The following OLAH variants were observed in gnomAD, a reference collection of about 807,000 sequenced individuals.
The protein encoded by OLAH is S-acyl fatty acid synthase thioesterase, medium chain.
Under a neutral mutation model 27.8 loss-of-function variants are expected in OLAH, and 33 were observed. The ratio of observed to expected loss-of-function variants is 1.19; its 90% CI spans 0.90 to 1.59. The LOEUF (loss-of-function observed/expected upper bound fraction) is 1.59. Ranked by LOEUF, OLAH falls within the 40% of genes most tolerant of loss-of-function variation. OLAH has a pLI of 0.00. For missense variants in OLAH, 359 were observed against 310.8 expected, an observed-to-expected ratio of 1.16 and a Z score of -1.17; for synonymous variants, 120 against 102.9, an observed-to-expected ratio of 1.17 and a Z score of -1.01.
intron 1 of OLAH, among the ~76,000 whole-genome samples, chr10:15,035,512 A>G (rs61041766): frequency 0.099 from 14,998 of 152,104 alleles, 884 homozygotes; most frequent in Admixed American, 0.16. Context: ...GGGAAGTGCC[A>G]TAGCTTTCGA....
intron 7 of OLAH, 58 bp downstream of exon 7, chr10:15,071,935 A>AT (rs945332098): frequency 0.015 from 16,726 of 1,108,904 alleles, no homozygotes; most frequent in South Asian, 0.018. Flanking sequence ...TGGCTTTAAA[A>AT]TTTTTTTTTT....
upstream of OLAH, among the ~76,000 whole-genome samples, chr10:15,042,315 C>A (rs1843934059): frequency 6.6e-6 from 1 of 151,914 alleles, no homozygotes; most frequent in Non-Finnish European, 1.5e-5. Flanking sequence ...TCACGCCCAG[C>A]TAATTTTTTG....
intron 1 of OLAH, among the ~76,000 whole-genome samples, chr10:15,045,358 A>C (rs80103930): frequency 6.6e-6 from 1 of 152,214 alleles, no homozygotes; most frequent in Non-Finnish European, 1.5e-5. Flanking sequence ...TTAATTGTCA[A>C]CACCAAAAAA....
intron 1 of OLAH, among the ~76,000 whole-genome samples, chr10:15,034,811 T>C (rs1843817017): frequency 6.6e-6 from 1 of 151,220 alleles, no homozygotes; most frequent in South Asian, 2.1e-4. Context: ...TTTCTTTTTT[T>C]TTTTTTTTGA....
At chr10:15,069,620 A>C (rs1464797261) in intron 6 of OLAH, among the ~76,000 whole-genome samples, 1 of 152,168 alleles carries the variant, frequency 6.6e-6, no homozygotes, top group Non-Finnish European at 1.5e-5. Flanking sequence ...GAATCCCAGC[A>C]CCTTCAGAGG....
chr10:15,068,936 G>A (rs1433224709), intron 6 of OLAH, among the ~76,000 whole-genome samples: 1 of 152,098 alleles, frequency 6.6e-6, no homozygotes, highest in African/African-American at 2.4e-5. Context: ...TCTGGTGTGG[G>A]ATGCAGTTGT....
upstream of OLAH, among the ~76,000 whole-genome samples, chr10:15,039,954 C>T (rs1843896849): frequency 6.6e-6 from 1 of 152,192 alleles, no homozygotes; most frequent in Non-Finnish European, 1.5e-5. Context: ...ACCCCTGAAC[C>T]TCACAGTTCC....
At chr10:15,043,733 G>T (rs1843962390), upstream of OLAH, among the ~76,000 whole-genome samples, 2 of 152,236 alleles carry the variant, frequency 1.3e-5, no homozygotes, top group East Asian at 3.9e-4. Flanking sequence ...CTCCCAAAGT[G>T]CTGGGATTAC....
At chr10:15,036,293 T>G (rs933704476) in intron 1 of OLAH, among the ~76,000 whole-genome samples, 2 of 151,260 alleles carry the variant, frequency 1.3e-5, no homozygotes, top group Non-Finnish European at 1.5e-5. Context: ...AGGTCAGGAG[T>G]TCAAGACCAG....
chr10:15,048,016 G>T (rs1004759657), intron 2 of OLAH, among the ~76,000 whole-genome samples: 16 of 152,058 alleles, frequency 1.1e-4, no homozygotes, highest in Non-Finnish European at 2.2e-4. Flanking sequence ...ATTATACTAG[G>T]GTTTAGAACC....
chr10:15,055,944 G>A (rs575031960), intron 3 of OLAH, among the ~76,000 whole-genome samples: 1 of 151,936 alleles, frequency 6.6e-6, no homozygotes, highest in South Asian at 2.1e-4. Context: ...CCACCTCCTG[G>A]GTTCAAGCGA....
intron 6 of OLAH, among the ~76,000 whole-genome samples, chr10:15,068,333 T>C (rs1224118381): frequency 6.6e-6 from 1 of 152,218 alleles, no homozygotes; most frequent in Non-Finnish European, 1.5e-5. Flanking sequence ...CTGATTCTTT[T>C]GACTGCTTTG....
intron 6 of OLAH, among the ~76,000 whole-genome samples, chr10:15,069,472 T>A (rs918757457): frequency 6.6e-6 from 1 of 152,146 alleles, no homozygotes; most frequent in Non-Finnish European, 1.5e-5. Context: ...CTAGTGCCAG[T>A]CCAATTGCCA....
At chr10:15,067,485 A>T (rs995037707) in intron 6 of OLAH, among the ~76,000 whole-genome samples, 9 of 152,292 alleles carry the variant, frequency 5.9e-5, no homozygotes, top group Middle Eastern at 3.4e-3. Flanking sequence ...ACAAAACACA[A>T]CCAAAAAACT....
Position 15,049,618 on chromosome 10 carries a change from T to G in OLAH, c.33-17T>G, listed in dbSNP as rs768428698. 3.3e-6 allele frequency: 5 copies of G among 1,531,652 alleles called. No individual in the cohort carries two copies. The highest frequency in any genetic ancestry group is 4.4e-6 in the Non-Finnish European group (5 of 1,127,968). 94.9% of individuals were successfully genotyped at this position (1,531,652 alleles called of 1,614,324 possible). On this transcript the variant is annotated splice_polypyrimidine_tract_variant and intron_variant, in intron 2 of 7. Coordinates refer to ENST00000378228, the MANE Select transcript of OLAH (RefSeq NM_001039702.3). ...TTGATATACATAATGTTAAATATAT[T>G]TGAATTTTCTCCCTAGGAATGAAAA...
At chr10:15,038,691 T>C (rs533151995) in intron 1 of OLAH, 1 of 152,386 alleles carries the variant, frequency 6.6e-6, no homozygotes, top group Non-Finnish European at 1.5e-5. Flanking sequence ...ACTGTAAGTC[T>C]GTGAAACCCT....
At chr10:15,060,051 CCTCTT>C (rs1407977528) in intron 3 of OLAH, among the ~76,000 whole-genome samples, 4 of 151,204 alleles carry the variant, frequency 2.6e-5, no homozygotes, top group African/African-American at 9.7e-5. Flanking sequence ...TTTCTGTTTC[CCTCTT>C]CTCTTCTCTC....
At chr10:15,049,226 T>C (rs925786201) in intron 2 of OLAH, among the ~76,000 whole-genome samples, 8 of 151,272 alleles carry the variant, frequency 5.3e-5, no homozygotes, top group African/African-American at 1.9e-4. Context: ...CTCAAACTCT[T>C]AGGCTCCAGA....
At chr10:15,034,330 G>A (rs1024259133) in intron 1 of OLAH, among the ~76,000 whole-genome samples, 5 of 151,748 alleles carry the variant, frequency 3.3e-5, no homozygotes, top group Admixed American at 6.6e-5. Context: ...ACGGGGTTTC[G>A]CCATGTTGCC....
Sources: allele counts gnomAD v4.1 joint callset (sites outside exome capture counted in the v4.1 genomes callset), GRCh38; gene constraint gnomAD v4.1.1; transcripts MANE v1.5; gene names NCBI Gene and HGNC (gene_info 2026-07-23, HGNC 2026-07-21).